The following PAN3 variants were observed in gnomAD, a reference collection of about 807,000 sequenced individuals.
The protein encoded by PAN3 is PAN2-PAN3 deadenylation complex subunit PAN3.
Under a neutral mutation model 96.2 loss-of-function variants are expected in PAN3, and 19 were observed. The observed-to-expected ratio is 0.20, with a 90% CI of 0.14 to 0.29. The LOEUF (loss-of-function observed/expected upper bound fraction) is 0.29, where lower values mean the gene tolerates loss of function less well. Among genes scored for constraint, PAN3 ranks in the 10% least tolerant of loss-of-function variants. PAN3 has a pLI of 1.00. For missense variants in PAN3, 882 were observed against 1,108.1 expected (o/e 0.80, Z 2.90); for synonymous variants, 433 against 406.6 (o/e 1.06, Z -0.78).
chr13:28,278,334 C>CT (rs1198593705), intron 15 of PAN3, among the ~76,000 whole-genome samples: 1 of 152,174 alleles, frequency 6.6e-6, no homozygotes, highest in East Asian at 1.9e-4. Context: ...GATTTATCTT[C>CT]TGAATAAAAA....
rs1875034227 is a variant in PAN3, at chr13:28,176,548, A to G, written c.608A>G (p.Tyr203Cys). 1 of 1,613,782 alleles carries G rather than the reference A, an allele frequency of 6.2e-7. No individual in the cohort carries two copies. The highest frequency in any genetic ancestry group is 8.5e-7 in the Non-Finnish European group (1 of 1,179,800). ...PSLLNDSAKP[Y>C]SAHDPLTSPA... ...CTTCTAAATGACAGTGCCAAGCCAT[A>G]TTCAGCCCATGGTAAGACCTGATCC... The change falls in exon 3 of 19, where the codon TAT becomes TGT. Residue 203 changes from tyrosine (Y) to cysteine (C), a missense_variant. Tyr to Cys is a radical substitution (Grantham distance 194). Around this residue, in one of 3 missense-constraint regions of PAN3, gnomAD observed 442 missense variants for 422.8 expected, o/e 1.05. Coordinates refer to ENST00000380958, the MANE Select transcript of PAN3 (RefSeq NM_175854.8).
chr13:28,259,448 G>A (rs1885500173), intron 7 of PAN3, among the ~76,000 whole-genome samples: 1 of 151,784 alleles, frequency 6.6e-6, no homozygotes, highest in African/African-American at 2.4e-5. Flanking sequence ...TGGGAGTACA[G>A]GTGCATGCCA....
intron 6 of PAN3, among the ~76,000 whole-genome samples, chr13:28,222,935 C>T (rs1025301179): frequency 1.3e-5 from 2 of 152,024 alleles, no homozygotes; most frequent in African/African-American, 2.4e-5. Flanking sequence ...ATTTTCATTA[C>T]GTATGGGAAA....
chr13:28,271,962 A>C lies in PAN3; in HGVS notation c.1959-19A>C, dbSNP rs1353307090. The C allele has an allele frequency of 6.8e-7, 1 of 1,461,876 alleles. No individual in the cohort carries two copies. The highest frequency in any genetic ancestry group is 2.4e-5 in the East Asian group (1 of 42,152). The allele number at this position is 1,461,876 out of a possible 1,614,324, so 90.6% of individuals were successfully genotyped here. ...AAACTTATTTTAATTATTTTCTTTA[A>C]ATTATCTGGTCCTTAAAGGTTGCGA... is the stretch of plus-strand genomic sequence containing the variant. On this transcript the variant is annotated intron_variant, in intron 13 of 18. Coordinates refer to ENST00000380958, the MANE Select transcript of PAN3 (RefSeq NM_175854.8).
chr13:28,196,983 T>C (rs1444636920), intron 4 of PAN3, among the ~76,000 whole-genome samples: 1 of 152,144 alleles, frequency 6.6e-6, no homozygotes, highest in Non-Finnish European at 1.5e-5. Flanking sequence ...TTTAGCCCAT[T>C]AGGAGTGTGG....
intron 1 of PAN3, among the ~76,000 whole-genome samples, chr13:28,158,778 T>G (rs537941020): frequency 5.3e-5 from 8 of 151,332 alleles, no homozygotes; most frequent in African/African-American, 1.9e-4. Flanking sequence ...CTCAGGAGGC[T>G]GAGGCAGGAG....
intron 4 of PAN3, among the ~76,000 whole-genome samples, chr13:28,195,998 A>G (rs761694631): frequency 2.8e-4 from 43 of 150,986 alleles, no homozygotes; most frequent in Non-Finnish European, 5.2e-4. Context: ...CATTATTAAT[A>G]TATTTGACTG....
In PAN3 at chr13:28,267,161, A is replaced by G; in HGVS notation, c.1640A>G (p.Asn547Ser). 1 of 1,613,090 alleles carries G rather than the reference A, an allele frequency of 6.2e-7. No individual in the cohort carries two copies. Among genetic ancestry groups the G allele is most frequent in the African/African-American group, 1.3e-5 (1 of 75,016 alleles). Residue 547 changes from asparagine (N) to serine (S), a missense_variant, in exon 11 of 19, where the codon AAT becomes AGT. Physicochemically the swap from Asn to Ser is conservative, Grantham distance 46. Coordinates refer to ENST00000380958, the MANE Select transcript of PAN3 (RefSeq NM_175854.8). ...VDMWKKIQHS[N>S]IVTLREVFTT... ...ATGTGGAAGAAAATTCAACACTCAAATATCGTAACTTTGCGTGAAGTATTT... is the reference window on the plus strand; with the variant it reads ...ATGTGGAAGAAAATTCAACACTCAAGTATCGTAACTTTGCGTGAAGTATTT...
In PAN3 at chr13:28,176,565, A is replaced by G. The variant is rs1005950790; in HGVS notation, c.619+6A>G. The G allele has an allele frequency of 1.2e-6, 2 of 1,611,842 alleles. No individual in the cohort carries two copies. The highest frequency in any genetic ancestry group is 1.7e-6 in the Non-Finnish European group (2 of 1,178,088). ...CAAGCCATATTCAGCCCATGGTAAG[A>G]CCTGATCCCTTTTGCTTATGTGTGT... On this transcript the variant is annotated splice_donor_region_variant and intron_variant, in intron 3 of 18. Coordinates refer to ENST00000380958, the MANE Select transcript of PAN3 (RefSeq NM_175854.8).
intron 5 of PAN3, among the ~76,000 whole-genome samples, chr13:28,204,134 A>G (rs557279707): frequency 6.6e-6 from 1 of 152,088 alleles, no homozygotes; most frequent in East Asian, 1.9e-4. Flanking sequence ...TATTTTTTTC[A>G]TCATCTCAGC....
intron 6 of PAN3, among the ~76,000 whole-genome samples, chr13:28,250,941 A>G (rs528260117): frequency 1.3e-5 from 2 of 151,868 alleles, no homozygotes; most frequent in Non-Finnish European, 2.9e-5. Context: ...CATTTTCATT[A>G]TTTTGTATCT....
intron 6 of PAN3, among the ~76,000 whole-genome samples, chr13:28,220,862 TA>T (rs760515771): frequency 6.6e-6 from 1 of 152,160 alleles, no homozygotes; most frequent in Non-Finnish European, 1.5e-5. Context: ...TTAAATTGGG[TA>T]AAGTATTATA....
intron 4 of PAN3, among the ~76,000 whole-genome samples, chr13:28,185,013 C>G (rs1304885600): frequency 6.6e-6 from 1 of 152,070 alleles, no homozygotes; most frequent in East Asian, 1.9e-4. Context: ...AAATATTAAG[C>G]CAATTTTTGT....
intron 5 of PAN3, 138 bp downstream of exon 5, chr13:28,197,484 A>G (rs8000925): frequency 0.086 from 64,395 of 749,188 alleles, 6,443 homozygotes; most frequent in African/African-American, 0.42. Flanking sequence ...TTTAATCAGA[A>G]TAAAGTTAGT....
At position 28,185,092 on chromosome 13, in the gene PAN3, A is replaced by G. The variant is rs569404099; in HGVS notation, c.690+7157A>G. Among the ~76,000 whole-genome samples the G allele has an allele frequency of 4.6e-5, 7 of 152,242 alleles. No individual in the cohort carries two copies. The South Asian group carries it at 6.2e-4, about 14-fold the overall frequency. On this transcript the variant is annotated intron_variant, in intron 4 of 18. Coordinates refer to ENST00000380958, the MANE Select transcript of PAN3 (RefSeq NM_175854.8). ...AATATAAAGGGCCGTCCTTGTTTTTATATAATTAATTTGAATACACTGTGA... is the reference window on the plus strand; with the variant it reads ...AATATAAAGGGCCGTCCTTGTTTTTGTATAATTAATTTGAATACACTGTGA...
chr13:28,229,861 A>G (rs1882358711), intron 6 of PAN3, among the ~76,000 whole-genome samples: 1 of 152,168 alleles, frequency 6.6e-6, no homozygotes, highest in Non-Finnish European at 1.5e-5. Context: ...TGGGTGAACC[A>G]GGGAAGATTT....
chr13:28,206,172 ACT>A (rs1879324493), intron 5 of PAN3, among the ~76,000 whole-genome samples: 1 of 151,348 alleles, frequency 6.6e-6, no homozygotes, highest in South Asian at 2.1e-4. Context: ...CATTTGGAAA[ACT>A]CTGCGATACA....
At chr13:28,219,188 A>C (rs1881123059) in intron 5 of PAN3, among the ~76,000 whole-genome samples, 1 of 152,226 alleles carries the variant, frequency 6.6e-6, no homozygotes, top group East Asian at 1.9e-4. Context: ...CCTTTGGAAA[A>C]TATAGCCTCA....
At chr13:28,217,198 TAGC>T (rs1401567586) in intron 5 of PAN3, among the ~76,000 whole-genome samples, 9 of 152,090 alleles carry the variant, frequency 5.9e-5, no homozygotes, top group Middle Eastern at 6.8e-3. Context: ...GTCTAGAAGG[TAGC>T]AGTAGGGATC....
Sources: gnomAD v4.1 joint callset for allele counts (sites outside exome capture counted in the v4.1 genomes callset) on GRCh38, gnomAD v4.1.1 for gene constraint, gnomAD v4.1.1 regional missense constraint, MANE v1.5 for transcripts, NCBI Gene and HGNC (gene_info 2026-07-23, HGNC 2026-07-21) for gene names.